The following NOX4 variants were observed in gnomAD, a reference collection of about 807,000 sequenced individuals.
The protein encoded by NOX4 is NADPH oxidase 4.
A neutral mutation model predicts 87.6 loss-of-function variants in NOX4; 69 were observed. The ratio of observed to expected loss-of-function variants is 0.79; its 90% CI spans 0.65 to 0.96. NOX4 has a LOEUF of 0.96. Among genes scored for constraint, NOX4 ranks in the 40% least tolerant of loss-of-function variants. The pLI is 0.00. For synonymous variants in NOX4, 275 were observed against 238.2 expected, an observed-to-expected ratio of 1.15 and a Z score of -1.42; for missense variants, 680 against 681.5, an observed-to-expected ratio of 1.00 and a Z score of 0.02.
the NOX4 span, among the ~76,000 whole-genome samples, chr11:89,568,681 T>A: frequency 2.0e-5 from 3 of 152,182 alleles, no homozygotes; most frequent in African/African-American, 7.2e-5. Flanking sequence ...GAAAAATATA[T>A]TCCAAAATTT....
intron 11 of NOX4, among the ~76,000 whole-genome samples, chr11:89,375,710 C>A (rs1277895703): frequency 6.6e-6 from 1 of 152,182 alleles, no homozygotes; most frequent in Non-Finnish European, 1.5e-5. Flanking sequence ...TAACTATATA[C>A]TACTGAAGGC....
intron 12 of NOX4, among the ~76,000 whole-genome samples, chr11:89,367,253 G>T (rs878868659): frequency 6.6e-6 from 1 of 152,076 alleles, no homozygotes; most frequent in Admixed American, 6.6e-5. Flanking sequence ...TACACAGGTA[G>T]TTACATCTGT....
chr11:89,445,770 G>A (rs1944676350), intron 4 of NOX4, among the ~76,000 whole-genome samples: 1 of 151,976 alleles, frequency 6.6e-6, no homozygotes, highest in South Asian at 2.1e-4. Flanking sequence ...CTCCTCAAAG[G>A]ATACACGGGA....
intron 11 of NOX4, among the ~76,000 whole-genome samples, chr11:89,380,566 C>T (rs1361587232): frequency 2.6e-5 from 4 of 152,036 alleles, no homozygotes; most frequent in Admixed American, 2.0e-4. Flanking sequence ...TAAAAACAGG[C>T]ACCCAAAAAT....
chr11:89,447,035 G>T (rs1944740546), intron 4 of NOX4, among the ~76,000 whole-genome samples: 2 of 151,962 alleles, frequency 1.3e-5, no homozygotes, highest in African/African-American at 2.4e-5. Context: ...ACATAAATCT[G>T]CCCTACAGAA....
chr11:89,490,634 C>A (rs752440401), intron 1 of NOX4, 81 bp from the exon 2 acceptor site: 10 of 992,008 alleles, frequency 1.0e-5, no homozygotes, highest in Middle Eastern at 2.0e-4. Context: ...CAGGTAAATT[C>A]TTCGACACAG....
chr11:89,411,993 G>A (rs1168620444), intron 8 of NOX4, among the ~76,000 whole-genome samples: 5 of 151,890 alleles, frequency 3.3e-5, no homozygotes, highest in African/African-American at 1.2e-4. Flanking sequence ...CATGCCAATG[G>A]AAACCAAAAA....
At chr11:89,510,699 T>C in the NOX4 span, among the ~76,000 whole-genome samples, 1 of 152,232 alleles carries the variant, frequency 6.6e-6, no homozygotes, top group Admixed American at 6.5e-5. Context: ...TTAAAATGTT[T>C]GATAAATTTT....
At chr11:89,467,779 A>C (rs555525371) in intron 2 of NOX4, among the ~76,000 whole-genome samples, 8 of 152,222 alleles carry the variant, frequency 5.3e-5, no homozygotes, top group Non-Finnish European at 1.0e-4. Context: ...ATAGCACAGA[A>C]TGATTGTGTT....
intron 8 of NOX4, among the ~76,000 whole-genome samples, chr11:89,413,406 T>G (rs1476530775): frequency 6.6e-6 from 1 of 152,188 alleles, no homozygotes; most frequent in Non-Finnish European, 1.5e-5. Context: ...CTATTCACAA[T>G]AGCCAAGATT....
chr11:89,402,205 G>A (rs1490982910), intron 9 of NOX4, 121 bp downstream of exon 9: 7 of 758,340 alleles, frequency 9.2e-6, no homozygotes, highest in Admixed American at 6.9e-5. Context: ...ACTTACTGTT[G>A]AAACATCCTG....
At chr11:89,437,721 C>T (rs1015477991) in intron 6 of NOX4, among the ~76,000 whole-genome samples, 4 of 152,018 alleles carry the variant, frequency 2.6e-5, no homozygotes, top group African/African-American at 9.7e-5. Flanking sequence ...AGCTCACCTA[C>T]AAGTGGAAAA....
the NOX4 span, among the ~76,000 whole-genome samples, chr11:89,509,649 A>C: frequency 3.9e-5 from 6 of 152,084 alleles, no homozygotes; most frequent in Non-Finnish European, 8.8e-5. Flanking sequence ...TTTGCCAAAC[A>C]TCTGATGAAA....
At chr11:89,416,180 T>G in intron 8 of NOX4, among the ~76,000 whole-genome samples, 1 of 152,130 alleles carries the variant, frequency 6.6e-6, no homozygotes, top group East Asian at 1.9e-4. Flanking sequence ...AGTATCTGGT[T>G]TGGACAATAA....
the NOX4 span, among the ~76,000 whole-genome samples, chr11:89,554,677 C>A: frequency 6.6e-6 from 1 of 152,110 alleles, no homozygotes; most frequent in African/African-American, 2.4e-5. Flanking sequence ...CTTTCTAAAT[C>A]TATGACCCTC....
chr11:89,373,332 C>G, intron 12 of NOX4, 100 bp downstream of exon 12: 1 of 327,934 alleles, frequency 3.0e-6, no homozygotes, highest in East Asian at 7.9e-5. Flanking sequence ...GAAACACATA[C>G]ACATCTCTAT....
In NOX4 at chr11:89,394,950, C is replaced by G. The variant is rs141990450; in HGVS notation, c.1074+5067G>C. On this transcript the variant is annotated intron_variant, in intron 11 of 17. Transcript: ENST00000263317. ...CAAGTCTTTGCTATTGTGAATAGTG[C>G]CGCAATAAACATACGTGTGCATGTG... Among the ~76,000 whole-genome samples, 1,167 of 152,244 alleles carry G rather than the reference C, an allele frequency of 7.7e-3. 19 individuals are homozygous for G. Among genetic ancestry groups the G allele is most frequent in the African/African-American group, 0.027 (1,109 of 41,534 alleles).
At chr11:89,500,150 GAAT>G (rs1231309093), upstream of NOX4, among the ~76,000 whole-genome samples, 1 of 152,096 alleles carries the variant, frequency 6.6e-6, no homozygotes, top group African/African-American at 2.4e-5. Flanking sequence ...TTTAAAAGGA[GAAT>G]AATCTTGCAT....
chr11:89,385,442 C>A (rs1940633231), intron 11 of NOX4, among the ~76,000 whole-genome samples: 1 of 152,138 alleles, frequency 6.6e-6, no homozygotes, highest in Non-Finnish European at 1.5e-5. Context: ...CCACCTACTC[C>A]CCCACTGAAA....
Sources: allele counts gnomAD v4.1 joint callset (sites outside exome capture counted in the v4.1 genomes callset), GRCh38; gene constraint gnomAD v4.1.1; transcripts MANE v1.5; gene names NCBI Gene and HGNC (gene_info 2026-07-23, HGNC 2026-07-21).